Variants in CSMD3 observed in about 807,000 individuals in gnomAD.
The protein encoded by CSMD3 is CUB and Sushi multiple domains 3.
CSMD3 carries 177 observed loss-of-function variants against 435.2 expected under a neutral mutation model. The ratio of observed to expected loss-of-function variants is 0.41; its 90% CI spans 0.36 to 0.46. The LOEUF (loss-of-function observed/expected upper bound fraction) is 0.46. Among genes scored for constraint, CSMD3 ranks in the 20% least tolerant of loss-of-function variants. The probability of loss-of-function intolerance (pLI) is 0.34; values close to 1 mark genes in which losing one functional copy is unlikely to be tolerated. For missense variants in CSMD3, 4,265 were observed against 4,504.6 expected, an observed-to-expected ratio of 0.95 and a Z score of 1.52; for synonymous variants, 1,656 against 1,520.5, an observed-to-expected ratio of 1.09 and a Z score of -2.07.
intron 24 of CSMD3, among the ~76,000 whole-genome samples, chr8:112,571,101 A>G (rs1334358746): frequency 1.3e-5 from 2 of 152,204 alleles, no homozygotes; most frequent in East Asian, 3.9e-4. Context: ...TCTCCCTCCC[A>G]GGTTCAAGCG....
intron 32 of CSMD3, among the ~76,000 whole-genome samples, chr8:112,449,564 T>C (rs978296241): frequency 1.3e-5 from 2 of 152,244 alleles, no homozygotes; most frequent in Non-Finnish European, 2.9e-5. Context: ...CTGTGCCCTT[T>C]GCAAATCCCA....
chr8:112,452,782 C>A (rs1384656068), intron 32 of CSMD3, among the ~76,000 whole-genome samples: 1 of 152,136 alleles, frequency 6.6e-6, no homozygotes, highest in Non-Finnish European at 1.5e-5. Context: ...CACATTCTAA[C>A]ACAGCTAACC....
At chr8:112,702,168 G>A (rs1193012138) in intron 13 of CSMD3, among the ~76,000 whole-genome samples, 1 of 151,928 alleles carries the variant, frequency 6.6e-6, no homozygotes, top group African/African-American at 2.4e-5. Context: ...ATTTAATCCT[G>A]ACACAGCCCT....
chr8:112,388,695 T>G (rs886228068), intron 36 of CSMD3, among the ~76,000 whole-genome samples: 3 of 152,076 alleles, frequency 2.0e-5, no homozygotes, highest in Non-Finnish European at 4.4e-5. Flanking sequence ...AGGTGAGAGG[T>G]CTGAGTTAGA....
chr8:112,486,019 C>T (rs1002939170), intron 31 of CSMD3, among the ~76,000 whole-genome samples: 6 of 150,862 alleles, frequency 4.0e-5, no homozygotes, highest in Admixed American at 6.6e-5. Flanking sequence ...AGAGCTAGCG[C>T]TGGCTAAGTA....
At chr8:112,391,090 TA>T (rs1182356525) in intron 35 of CSMD3, among the ~76,000 whole-genome samples, 1 of 152,204 alleles carries the variant, frequency 6.6e-6, no homozygotes, top group East Asian at 1.9e-4. Context: ...AAATTTGCCT[TA>T]AAAATAGTTC....
chr8:112,888,109 C>A (rs1469848920), intron 10 of CSMD3, among the ~76,000 whole-genome samples: 8 of 151,646 alleles, frequency 5.3e-5, no homozygotes, highest in Non-Finnish European at 8.9e-5. Flanking sequence ...AGTGATTTCA[C>A]CATTCCCTGG....
chr8:113,401,676 C>T (rs1411035360), intron 1 of CSMD3, among the ~76,000 whole-genome samples: 2 of 151,616 alleles, frequency 1.3e-5, no homozygotes, highest in Admixed American at 1.3e-4. Flanking sequence ...TTAAAGTTAA[C>T]ATAGACAGCA....
At chr8:112,726,409 A>G (rs4876291) in intron 13 of CSMD3, among the ~76,000 whole-genome samples, 50,495 of 151,734 alleles carry the variant, frequency 0.33, 9,278 homozygotes, top group African/African-American at 0.5. Context: ...AATGCATTCT[A>G]AGTACTTAGC....
At chr8:112,692,848 C>G (rs927305499) in intron 13 of CSMD3, among the ~76,000 whole-genome samples, 1 of 152,006 alleles carries the variant, frequency 6.6e-6, no homozygotes, top group African/African-American at 2.4e-5. Flanking sequence ...TATTATAATT[C>G]TTCTATTTTA....
intron 12 of CSMD3, among the ~76,000 whole-genome samples, chr8:112,807,390 T>C (rs542796407): frequency 6.6e-6 from 1 of 152,318 alleles, no homozygotes; most frequent in East Asian, 1.9e-4. Context: ...TATGCTATGA[T>C]GACCTCTTAT....
Position 112,355,519 on chromosome 8 carries a change from C to G in CSMD3, c.6137-2985G>C, listed in dbSNP as rs528501384. Among the ~76,000 whole-genome samples the G allele has an allele frequency of 5.9e-5, 9 of 152,182 alleles. No individual in the cohort carries two copies. The East Asian group carries it at 1.7e-3, about 29-fold the overall frequency. On this transcript the variant is annotated intron_variant, in intron 38 of 70. Transcript: ENST00000297405. Reference sequence around the variant, plus strand: ...TGTATAAGGAACTTAAGTCAACAAGCAAAACACAAATTCCCCATTAAAAAG... The same window carrying G: ...TGTATAAGGAACTTAAGTCAACAAGGAAAACACAAATTCCCCATTAAAAAG...
At chr8:112,611,622 T>C (rs1473547056) in intron 22 of CSMD3, among the ~76,000 whole-genome samples, 1 of 152,154 alleles carries the variant, frequency 6.6e-6, no homozygotes. Flanking sequence ...ATTGGCTTTT[T>C]AGATGGCTGT....
At chr8:113,100,203 T>C (rs1250970624) in intron 4 of CSMD3, among the ~76,000 whole-genome samples, 1 of 152,166 alleles carries the variant, frequency 6.6e-6, no homozygotes, top group Admixed American at 6.6e-5. Context: ...TCTTAAAATA[T>C]ATTTAACTTT....
intron 10 of CSMD3, among the ~76,000 whole-genome samples, chr8:112,874,754 G>C (rs772830830): frequency 9.2e-5 from 14 of 151,748 alleles, no homozygotes; most frequent in Non-Finnish European, 1.9e-4. Context: ...ATTCATTTTT[G>C]CTTTTTATTT....
chr8:113,119,890 T>C (rs2090938522), intron 4 of CSMD3, among the ~76,000 whole-genome samples: 2 of 152,108 alleles, frequency 1.3e-5, no homozygotes, highest in African/African-American at 2.4e-5. Flanking sequence ...TTATAACATT[T>C]CTATTGCATT....
At chr8:112,427,995 G>A (rs1039879527) in intron 32 of CSMD3, among the ~76,000 whole-genome samples, 1 of 152,134 alleles carries the variant, frequency 6.6e-6, no homozygotes, top group Non-Finnish European at 1.5e-5. Context: ...CAGTTTTGCT[G>A]TGGAATTGAG....
At chr8:113,383,045 G>A (rs1215676781) in intron 1 of CSMD3, among the ~76,000 whole-genome samples, 1 of 152,082 alleles carries the variant, frequency 6.6e-6, no homozygotes, top group East Asian at 1.9e-4. Context: ...TTTCACAGAG[G>A]ATAGATTTTT....
intron 3 of CSMD3, among the ~76,000 whole-genome samples, chr8:113,266,718 G>T (rs1239736550): frequency 6.6e-6 from 1 of 151,544 alleles, no homozygotes; most frequent in African/African-American, 2.4e-5. Flanking sequence ...TGATTTATTA[G>T]CAAATTTGCT....
Sources: allele counts gnomAD v4.1 joint callset (sites outside exome capture counted in the v4.1 genomes callset), GRCh38; gene constraint gnomAD v4.1.1; transcripts MANE v1.5; gene names NCBI Gene and HGNC (gene_info 2026-07-23, HGNC 2026-07-21).